The following UMOD variants were observed in gnomAD, a reference collection of about 807,000 sequenced individuals.
UMOD encodes Tamm-Horsfall urinary glycoprotein.
UMOD carries 64 observed loss-of-function variants against 66.0 expected under a neutral mutation model. The ratio of observed to expected loss-of-function variants is 0.97; its 90% CI spans 0.79 to 1.19. The LOEUF is 1.19. UMOD is among the 50% of genes most tolerant of loss of function. The probability of loss-of-function intolerance (pLI) is 0.00; values close to 1 mark genes in which losing one functional copy is unlikely to be tolerated. For synonymous variants in UMOD, 398 were observed against 352.7 expected (o/e 1.13, Z -1.44); for missense variants, 764 against 850.9 (o/e 0.90, Z 1.27).
intron 4 of UMOD, 31 bp from the exon 5 acceptor site, chr16:20,346,365 G>A (rs746646739): frequency 1.2e-5 from 19 of 1,612,370 alleles, no homozygotes; most frequent in Non-Finnish European, 8.5e-6. Flanking sequence ...TTGAGGACGT[G>A]TGTCTATAGC....
rs1964684867 is a variant in UMOD at position 20,333,214 on chromosome 16, G to A, written c.*100C>T. On this transcript the variant is annotated 3_prime_UTR_variant, in exon 11 of 11. Transcript: ENST00000396138. ...AAAGAAGGCAGGCTGAACAAAGCAT[G>A]AACTTTCTTTTCTGTGGCTGGAGCA... The A allele has an allele frequency of 1.6e-6, 2 of 1,247,806 alleles. No homozygotes were observed. The highest frequency in any genetic ancestry group is 1.9e-5 in the Admixed American group (1 of 52,462). The allele number at this position is 1,247,806 out of a possible 1,614,324, so 77.3% of individuals were successfully genotyped here.
intron 8 of UMOD, 122 bp downstream of exon 8, chr16:20,337,169 C>G: frequency 7.3e-7 from 1 of 1,368,958 alleles, no homozygotes; most frequent in South Asian, 1.3e-5. Flanking sequence ...CCCACCTCAT[C>G]TTATTGCTCA....
intron 8 of UMOD, 73 bp downstream of exon 8, chr16:20,337,218 T>C: frequency 6.4e-7 from 1 of 1,571,914 alleles, no homozygotes; most frequent in Non-Finnish European, 8.7e-7. Flanking sequence ...AGGGAAGAAA[T>C]ATTGATTTGT....
chr16:20,334,038 A>AT, intron 10 of UMOD, among the ~76,000 whole-genome samples: 1 of 151,030 alleles, frequency 6.6e-6, no homozygotes, highest in Non-Finnish European at 1.5e-5. Context: ...ATCTCAAAAA[A>AT]AAAAAAAAAA....
chr16:20,352,947 A>G, upstream of UMOD: 2 of 390,676 alleles, frequency 5.1e-6, no homozygotes, highest in Admixed American at 4.5e-5. Flanking sequence ...GCCCGGAAAT[A>G]CAAGGTCACT....
At chr16:20,350,912 TG>T (rs2141682955) in intron 1 of UMOD, 73 bp from the exon 2 acceptor site, 1 of 1,446,644 alleles carries the variant, frequency 6.9e-7, no homozygotes, top group African/African-American at 1.4e-5. Context: ...GTGCTTTGAT[TG>T]TATAGTATAC....
Position 20,340,114 on chromosome 16 carries a change from A to G in UMOD, c.1577+977T>C, listed in dbSNP as rs1375012753. On this transcript the variant is annotated intron_variant, in intron 7 of 10. Coordinates refer to ENST00000396138, the MANE Select transcript of UMOD (RefSeq NM_003361.4). ...CTCAGCTCTCTGGTGAAGCTTGTAC[A>G]TCCCTCCTCAGAAATAATACTTTTA... 2.0e-5 allele frequency among the ~76,000 whole-genome samples: 3 copies of G among 152,228 alleles called. No homozygotes were observed. In the East Asian group the frequency reaches 5.8e-4, roughly 29 times the overall value.
chr16:20,356,001 G>C (rs1966024319), upstream of UMOD, among the ~76,000 whole-genome samples: 2 of 152,190 alleles, frequency 1.3e-5, no homozygotes, highest in Admixed American at 1.3e-4. Context: ...GCTCAGCCAT[G>C]ACAGGGTCTT....
chr16:20,349,361 A>C (rs1280679951), intron 2 of UMOD, 149 bp from the exon 3 acceptor site: 2 of 874,028 alleles, frequency 2.3e-6, no homozygotes, highest in East Asian at 5.3e-5. Context: ...GCAAAGAAAC[A>C]AAACTCCTCT....
In UMOD at chr16:20,351,046, C is replaced by T. The variant is rs980405367; in HGVS notation, c.-102-207G>A. The stretch of plus-strand genomic sequence containing the variant: ...TCACCAACATCCCAGTCTTGGCTCC[C>T]CAATTCTCAGCACATTGCACATTTT... On this transcript the variant is annotated intron_variant, in intron 1 of 10. Transcript: ENST00000396138. The T allele has an allele frequency of 2.1e-5, 9 of 425,014 alleles. No homozygotes were observed. In the East Asian group the frequency reaches 4.7e-4, roughly 22 times the overall value. The allele number at this position is 425,014 out of a possible 1,614,324, so 26.3% of individuals were successfully genotyped here. A position where few individuals can be genotyped will look rare whatever the true frequency, so the allele number is the denominator to read the frequency against.
chr16:20,348,077 T>G, intron 4 of UMOD, 146 bp downstream of exon 4: 1 of 770,284 alleles, frequency 1.3e-6, no homozygotes, highest in Non-Finnish European at 2.3e-6. Flanking sequence ...TTAATGGGTA[T>G]TAGTGGATCT....
chr16:20,350,587 C>A, intron 2 of UMOD, 63 bp downstream of exon 2: 1 of 1,593,158 alleles, frequency 6.3e-7, no homozygotes, highest in South Asian at 1.1e-5. Context: ...CATTGCTTCC[C>A]CCACACATTC....
Position 20,348,554 on chromosome 16 carries a change from C to A in UMOD, c.747G>T (p.Ala249=), listed in dbSNP as rs1264088039. 2.5e-6 allele frequency: 4 copies of A among 1,600,134 alleles called. No homozygotes were observed. The highest frequency in any genetic ancestry group is 1.7e-4 in the Middle Eastern group (1 of 6,032). ...ACAGGCAGCAGTGGCCGCTCCAGTGCGCGCAGGCCTTGCGGCTCACGATGC... is the reference window on the plus strand; with the variant it reads ...ACAGGCAGCAGTGGCCGCTCCAGTGAGCGCAGGCCTTGCGGCTCACGATGC... The part of the protein sequence containing the change: ...DEGIVSRKAC[A]HWSGHCCLWD... Residue 249 remains alanine (A), a synonymous_variant, in exon 3 of 11, where the codon GCG becomes GCT. Coordinates refer to ENST00000396138, the MANE Select transcript of UMOD (RefSeq NM_003361.4).
At position 20,350,835 on chromosome 16, in the gene UMOD, G is replaced by A. The variant is rs1178729534; in HGVS notation, c.-98C>T. 2.7e-5 allele frequency: 43 copies of A among 1,573,674 alleles called. No individual in the cohort carries two copies. Among genetic ancestry groups the A allele is most frequent in the Non-Finnish European group, 3.7e-5 (43 of 1,160,548 alleles). On this transcript the variant is annotated 5_prime_UTR_variant, in exon 2 of 11. Transcript: ENST00000396138. Reference sequence around the variant, plus strand: ...TTTTTCTCTCTGTCTCTGATGTCTGGTGTCCTGTGAACAGAGATGGATGGG... The same window carrying A: ...TTTTTCTCTCTGTCTCTGATGTCTGATGTCCTGTGAACAGAGATGGATGGG...
Position 20,346,351 on chromosome 16 carries a change from G to A in UMOD, c.974-17C>T, listed in dbSNP as rs754219606. ...GGGAGATATCTGAAACAGGTTAGGT[G>A]GGATTGAGGACGTGTGTCTATAGCT... is the stretch of plus-strand genomic sequence containing the variant. On this transcript the variant is annotated splice_polypyrimidine_tract_variant and intron_variant, in intron 4 of 10. Coordinates refer to ENST00000396138, the MANE Select transcript of UMOD (RefSeq NM_003361.4). The A allele has an allele frequency of 4.3e-6, 7 of 1,613,942 alleles. No individual in the cohort carries two copies. The East Asian group carries it at 1.6e-4, about 36-fold the overall frequency.
Position 20,341,314 on chromosome 16 carries a change from C to T in UMOD, c.1354G>A (p.Gly452Arg), listed in dbSNP as rs138682701. 80 of 1,613,832 alleles carry T rather than the reference C, an allele frequency of 5.0e-5. No homozygotes were observed. The highest frequency in any genetic ancestry group is 6.2e-5 in the Non-Finnish European group (73 of 1,179,998). Residue 452 changes from glycine (G) to arginine (R), a missense_variant, in exon 7 of 11, where the codon GGG becomes AGG. Physicochemically the swap from Gly to Arg is moderately radical, Grantham distance 125 (BLOSUM62 -2). Coordinates refer to ENST00000396138, the MANE Select transcript of UMOD (RefSeq NM_003361.4). ...MVSALNIRVG[G>R]TGMFTVRMAL... Reference sequence around the variant, plus strand: ...ATCCGCACGGTGAACATGCCGGTCCCGCCCACTCTGATGTTTAGAGCACTG... The same window carrying T: ...ATCCGCACGGTGAACATGCCGGTCCTGCCCACTCTGATGTTTAGAGCACTG...
rs776007463 is a variant in UMOD at position 20,344,178 on chromosome 16, G to C, written c.1183-6C>G. On this transcript the variant is annotated splice_polypyrimidine_tract_variant and splice_region_variant and intron_variant, in intron 5 of 10. Transcript: ENST00000396138. ...GTGGCATGGGTTTCATTCCTCTGTT[G>C]CAGGGAATGGGGGTGGAGGGGGGGT... 3 of 1,525,232 alleles carry C rather than the reference G, an allele frequency of 2.0e-6. No homozygotes were observed. Among genetic ancestry groups the C allele is most frequent in the Admixed American group, 3.4e-5 (2 of 58,366 alleles). 94.5% of individuals were successfully genotyped at this position (1,525,232 alleles called of 1,614,324 possible).
intron 5 of UMOD, among the ~76,000 whole-genome samples, chr16:20,345,621 A>C (rs183747797): frequency 8.9e-5 from 13 of 145,586 alleles, no homozygotes; most frequent in African/African-American, 3.3e-4. Context: ...TCCTCTGGTA[A>C]TGAGGGAGGT....
At chr16:20,351,019 C>T in intron 1 of UMOD, 180 bp from the exon 2 acceptor site, 1 of 486,532 alleles carries the variant, frequency 2.1e-6, no homozygotes, top group Non-Finnish European at 3.7e-6. Context: ...CCCCTCCTTA[C>T]CTCACCAACA....
Sources: allele counts gnomAD v4.1 joint callset (sites outside exome capture counted in the v4.1 genomes callset), GRCh38; gene constraint gnomAD v4.1.1; transcripts MANE v1.5; gene names NCBI Gene and HGNC (gene_info 2026-07-23, HGNC 2026-07-21).